KCNQ5: variants seen among roughly 807,000 people sequenced by gnomAD.
KCNQ5 encodes potassium voltage-gated channel subfamily KQT member 5.
KCNQ5 carries 30 observed loss-of-function variants against 98.2 expected under a neutral mutation model. The observed-to-expected ratio is 0.31, with a 90% confidence interval of 0.23 to 0.41. The LOEUF (loss-of-function observed/expected upper bound fraction) is 0.41, where lower values mean the gene tolerates loss of function less well. Among genes scored for constraint, KCNQ5 ranks in the 10% least tolerant of loss-of-function variants. KCNQ5 has a pLI of 1.00. For synonymous variants in KCNQ5, 458 were observed against 449.4 expected, an observed-to-expected ratio of 1.02 and a Z score of -0.24; for missense variants, 835 against 1,182.5, an observed-to-expected ratio of 0.71 and a Z score of 4.31.
chr6:72,672,663 AT>A (rs1767189215), intron 1 of KCNQ5, among the ~76,000 whole-genome samples: 1 of 152,128 alleles, frequency 6.6e-6, no homozygotes, highest in South Asian at 2.1e-4. Context: ...TGGAAGCTTT[AT>A]CCCCTGCCGT....
intron 3 of KCNQ5, among the ~76,000 whole-genome samples, chr6:73,059,992 T>A (rs776347251): frequency 1.5e-3 from 223 of 152,294 alleles, no homozygotes; most frequent in Non-Finnish European, 2.6e-3. Flanking sequence ...AAGATACAGA[T>A]AATGACATTA....
At chr6:72,848,588 A>G (rs1777112301) in intron 1 of KCNQ5, among the ~76,000 whole-genome samples, 1 of 152,178 alleles carries the variant, frequency 6.6e-6, no homozygotes, top group Non-Finnish European at 1.5e-5. Flanking sequence ...CCCATCCCTA[A>G]AAGTCTATCT....
intron 1 of KCNQ5, among the ~76,000 whole-genome samples, chr6:72,837,154 C>T (rs778001927): frequency 5.3e-5 from 8 of 152,108 alleles, no homozygotes; most frequent in South Asian, 2.1e-4. Context: ...AATAAAATTA[C>T]GTCATTATTC....
chr6:72,996,767 G>A (rs1769320998), intron 1 of KCNQ5, among the ~76,000 whole-genome samples: 1 of 152,170 alleles, frequency 6.6e-6, no homozygotes, highest in African/African-American at 2.4e-5. Flanking sequence ...GAATGAGAAT[G>A]AGTCTCAGTC....
intron 1 of KCNQ5, among the ~76,000 whole-genome samples, chr6:72,817,012 G>A (rs1012871984): frequency 2.8e-4 from 43 of 152,200 alleles, no homozygotes; most frequent in Non-Finnish European, 5.9e-5. Context: ...TGTTTGGGGT[G>A]TTGTCCAGGG....
At chr6:73,023,974 C>A (rs1025722102) in intron 2 of KCNQ5, among the ~76,000 whole-genome samples, 2 of 152,122 alleles carry the variant, frequency 1.3e-5, no homozygotes, top group Non-Finnish European at 2.9e-5. Context: ...AAATGGAGCA[C>A]CTTGGAAGGT....
At chr6:72,903,795 G>A (rs1779597941) in intron 1 of KCNQ5, among the ~76,000 whole-genome samples, 1 of 152,196 alleles carries the variant, frequency 6.6e-6, no homozygotes, top group South Asian at 2.1e-4. Context: ...TGAATAGAAT[G>A]TGTATTCTGC....
In KCNQ5 at chr6:72,843,737, A is replaced by T. The variant is rs541071428; in HGVS notation, c.399-160171A>T. ...ATAAATCATTCTACTATAAAGACAC[A>T]TCCACACATATGCAGCACTGTTCAC... On this transcript the variant is annotated intron_variant, in intron 1 of 13. Coordinates refer to ENST00000370398, the MANE Select transcript of KCNQ5 (RefSeq NM_019842.4). Among the ~76,000 whole-genome samples, 8 of 152,304 alleles carry T rather than the reference A, an allele frequency of 5.3e-5. No individual in the cohort carries two copies. The South Asian group carries it at 1.0e-3, about 20-fold the overall frequency.
At chr6:72,928,407 A>G (rs763937045) in intron 1 of KCNQ5, among the ~76,000 whole-genome samples, 17 of 152,110 alleles carry the variant, frequency 1.1e-4, no homozygotes, top group Admixed American at 2.0e-4. Flanking sequence ...AATGTGTTTC[A>G]TAATTGCTAC....
intron 10 of KCNQ5, among the ~76,000 whole-genome samples, chr6:73,145,370 A>G (rs1254325734): frequency 1.3e-5 from 2 of 152,208 alleles, no homozygotes; most frequent in African/African-American, 4.8e-5. Flanking sequence ...AAAGCTTTTT[A>G]TGTTCTACCA....
chr6:72,967,027 C>A (rs1172632537), intron 1 of KCNQ5, among the ~76,000 whole-genome samples: 1 of 152,152 alleles, frequency 6.6e-6, no homozygotes, highest in African/African-American at 2.4e-5. Context: ...ACAATATTTT[C>A]TTCTACTGTA....
At chr6:72,701,946 G>A (rs753068337) in intron 1 of KCNQ5, among the ~76,000 whole-genome samples, 27 of 152,116 alleles carry the variant, frequency 1.8e-4, no homozygotes, top group Middle Eastern at 3.4e-3. Flanking sequence ...TGCCAGCCTC[G>A]GCCTCCCAAA....
chr6:73,072,906 T>TA (rs964835196), intron 3 of KCNQ5, among the ~76,000 whole-genome samples: 1 of 152,088 alleles, frequency 6.6e-6, no homozygotes, highest in Non-Finnish European at 1.5e-5. Flanking sequence ...CTTTTTTTTT[T>TA]ATTCATGTGA....
chr6:72,622,723 C>G lies in KCNQ5; in HGVS notation c.398+136C>G, dbSNP rs1001678351. 3 of 867,808 alleles carry G rather than the reference C, an allele frequency of 3.5e-6. No individual in the cohort carries two copies. In the African/African-American group the frequency reaches 5.2e-5, roughly 15 times the overall value. The allele number at this position is 867,808 out of a possible 1,614,324, so 53.8% of individuals were successfully genotyped here. ...TGGCTTTTATTTCTTCGCACGTGTTCGTGGTCTTCCTTCTGGAGCCTCTCC... is the reference window on the plus strand; with the variant it reads ...TGGCTTTTATTTCTTCGCACGTGTTGGTGGTCTTCCTTCTGGAGCCTCTCC... On this transcript the variant is annotated intron_variant, in intron 1 of 13. Coordinates refer to ENST00000370398, the MANE Select transcript of KCNQ5 (RefSeq NM_019842.4). The surrounding 1 kb of genome is among the most constrained non-coding windows in gnomAD (Gnocchi z 6.0).
At chr6:72,646,930 A>G (rs1765619886) in intron 1 of KCNQ5, among the ~76,000 whole-genome samples, 1 of 152,196 alleles carries the variant, frequency 6.6e-6, no homozygotes, top group South Asian at 2.1e-4. Flanking sequence ...TAACTATCCT[A>G]TCCATTTCCT....
intron 2 of KCNQ5, among the ~76,000 whole-genome samples, chr6:73,008,942 A>G (rs1017159413): frequency 3.9e-5 from 6 of 152,232 alleles, no homozygotes; most frequent in African/African-American, 1.4e-4. Flanking sequence ...TTAAATATCA[A>G]TAACAGAAGT....
chr6:72,943,554 C>A (rs905427019), intron 1 of KCNQ5, among the ~76,000 whole-genome samples: 2 of 152,134 alleles, frequency 1.3e-5, no homozygotes, highest in African/African-American at 4.8e-5. Flanking sequence ...GTCAAATTAT[C>A]ATTTGAAAAT....
At chr6:73,145,450 T>A (rs1010824117) in intron 10 of KCNQ5, among the ~76,000 whole-genome samples, 2 of 152,244 alleles carry the variant, frequency 1.3e-5, no homozygotes, top group Non-Finnish European at 2.9e-5. Context: ...ACCAGCTGTA[T>A]GTTAACTGCT....
intron 3 of KCNQ5, chr6:73,055,214 C>A (rs1772424639): frequency 1.8e-6 from 2 of 1,113,246 alleles, no homozygotes; most frequent in Non-Finnish European, 2.7e-6. Context: ...GGCGGCAAAG[C>A]AGGCACGGCG....
Sources: gnomAD v4.1 joint callset for allele counts (sites outside exome capture counted in the v4.1 genomes callset) on GRCh38, gnomAD v4.1.1 for gene constraint, Gnocchi (gnomAD v3.1) non-coding constraint, MANE v1.5 for transcripts, NCBI Gene and HGNC (gene_info 2026-07-23, HGNC 2026-07-21) for gene names.